CDC14B: variants seen among roughly 807,000 people sequenced by gnomAD.
The protein encoded by CDC14B is dual specificity protein phosphatase CDC14B.
In CDC14B, 22 loss-of-function variants were observed where a neutral mutation model predicts 64.2. The ratio of observed to expected loss-of-function variants is 0.34; its 90% CI spans 0.24 to 0.49. CDC14B has a LOEUF of 0.49. Among genes scored for constraint, CDC14B ranks in the 20% least tolerant of loss-of-function variants. CDC14B has a pLI of 0.99. For missense variants in CDC14B, 498 were observed against 629.9 expected (o/e 0.79, Z 2.24); for synonymous variants, 191 against 215.8 (o/e 0.89, Z 1.01).
At chr9:96,573,593 G>A (rs1205206837) in intron 1 of CDC14B, among the ~76,000 whole-genome samples, 2 of 152,026 alleles carry the variant, frequency 1.3e-5, no homozygotes, top group East Asian at 3.9e-4. Flanking sequence ...AATCTCAACA[G>A]GTCTTTTCAT....
At chr9:96,497,464 C>T (rs2181072), downstream of CDC14B, among the ~76,000 whole-genome samples, 1 of 152,344 alleles carries the variant, frequency 6.6e-6, no homozygotes, top group East Asian at 1.9e-4. Context: ...GCGCCAACCG[C>T]TTGGAAGACA....
chr9:96,505,486 C>T (rs1010849161), intron 13 of CDC14B, among the ~76,000 whole-genome samples: 7 of 152,170 alleles, frequency 4.6e-5, no homozygotes, highest in African/African-American at 1.4e-4. Flanking sequence ...TGAGTGAATG[C>T]GAGCAAATGA....
chr9:96,593,136 AC>A (rs975051289), intron 1 of CDC14B, among the ~76,000 whole-genome samples: 2 of 152,198 alleles, frequency 1.3e-5, no homozygotes, highest in Admixed American at 1.3e-4. Context: ...AATGTGCAAG[AC>A]AGGTATGAAA....
At chr9:96,519,849 T>G (rs1836404730) in intron 12 of CDC14B, among the ~76,000 whole-genome samples, 2 of 152,186 alleles carry the variant, frequency 1.3e-5, no homozygotes, top group South Asian at 4.1e-4. Context: ...CCTTCTTGCA[T>G]GTACTGTATT....
chr9:96,553,190 G>A (rs987878538), intron 4 of CDC14B, among the ~76,000 whole-genome samples: 16 of 152,194 alleles, frequency 1.1e-4, no homozygotes, highest in Non-Finnish European at 1.8e-4. Flanking sequence ...ATTTTTCAAA[G>A]TTCAAAGATC....
intron 13 of CDC14B, among the ~76,000 whole-genome samples, chr9:96,508,102 G>A (rs529323901): frequency 2.6e-5 from 4 of 151,042 alleles, no homozygotes; most frequent in Admixed American, 6.6e-5. Context: ...TGAAACCTCC[G>A]CCTCCCATGT....
intron 4 of CDC14B, 85 bp downstream of exon 4, chr9:96,562,608 T>C (rs976817812): frequency 2.0e-5 from 18 of 898,956 alleles, no homozygotes; most frequent in Admixed American, 9.6e-5. Context: ...CAAGACATTA[T>C]CTTGATTTCA....
chr9:96,524,443 C>T (rs770346777), intron 9 of CDC14B, among the ~76,000 whole-genome samples: 3 of 152,218 alleles, frequency 2.0e-5, no homozygotes, highest in Admixed American at 6.5e-5. Context: ...TGTAATTTTG[C>T]ACTTACTCCC....
rs773494567 is a variant in CDC14B at position 96,534,107 on chromosome 9, T to C, written c.766A>G (p.Asn256Asp). 2 of 1,611,544 alleles carry C rather than the reference T, an allele frequency of 1.2e-6. No homozygotes were observed. The highest frequency in any genetic ancestry group is 1.7e-5 in the Admixed American group (1 of 59,780). The change falls in exon 9 of 14, where the codon AAT becomes GAT. Residue 256 changes from asparagine to aspartate, a missense_variant. Coordinates refer to ENST00000375241, the MANE Select transcript of CDC14B (RefSeq NM_033331.4). ...ETYIQYFKNH[N>D]VTTIIRLNKR... ...TTCAGACGAATAATGGTAGTAACATTGTGATTCTTAAAATATTGAATATAA... is the reference window on the plus strand; with the variant it reads ...TTCAGACGAATAATGGTAGTAACATCGTGATTCTTAAAATATTGAATATAA...
chr9:96,521,757 G>C (rs1200413511), intron 12 of CDC14B, among the ~76,000 whole-genome samples: 1 of 152,206 alleles, frequency 6.6e-6, no homozygotes, highest in African/African-American at 2.4e-5. Flanking sequence ...CCGCAAAAAA[G>C]AAGGCTGGAA....
intron 1 of CDC14B, among the ~76,000 whole-genome samples, chr9:96,598,864 T>C (rs535518747): frequency 2.3e-4 from 35 of 152,316 alleles, no homozygotes; most frequent in Admixed American, 7.2e-4. Context: ...TGAGTATCAA[T>C]AAGGGCTTGC....
chr9:96,581,481 A>ATTAAATTAATTAAT (rs1564369877), intron 1 of CDC14B, among the ~76,000 whole-genome samples: 2 of 150,894 alleles, frequency 1.3e-5, no homozygotes, highest in African/African-American at 4.9e-5. Context: ...AATTAAATTA[A>ATTAAATTAATTAAT]TTAATTAAAT....
intron 1 of CDC14B, among the ~76,000 whole-genome samples, chr9:96,582,679 T>C (rs773785917): frequency 7.9e-5 from 12 of 152,342 alleles, no homozygotes; most frequent in Non-Finnish European, 1.5e-4. Flanking sequence ...ATTAAATGTA[T>C]GTTCAAGTGC....
chr9:96,598,975 T>C (rs1248157098), intron 1 of CDC14B, among the ~76,000 whole-genome samples: 1 of 152,258 alleles, frequency 6.6e-6, no homozygotes, highest in Non-Finnish European at 1.5e-5. Flanking sequence ...AGATGTATCA[T>C]ATTCCATTAA....
chr9:96,503,775 C>T lies in CDC14B; in HGVS notation c.1475G>A (p.Arg492Lys), dbSNP rs1259400570. The T allele has an allele frequency of 6.2e-7, 1 of 1,613,806 alleles. No individual in the cohort carries two copies. Among genetic ancestry groups the T allele is most frequent in the Middle Eastern group, 1.7e-4 (1 of 6,060 alleles). The part of the protein sequence containing the change: ...KSSVKSLSIS[R>K]TKTVLR ...TACTTAACGCAAGACTGTTTTAGTC[C>T]TTGAAATGGAGAGACTACAGGGGGA... The change falls in exon 14 of 14, where the codon AGG (arginine) becomes AAG (lysine). Residue 492 changes from arginine to lysine, a missense_variant. Physicochemically the swap from Arg to Lys is conservative, Grantham distance 26 (BLOSUM62 2). Transcript: ENST00000375241.
chr9:96,532,434 A>C (rs575547262), intron 9 of CDC14B, among the ~76,000 whole-genome samples: 1 of 152,278 alleles, frequency 6.6e-6, no homozygotes, highest in South Asian at 2.1e-4. Context: ...TTATAGCTTG[A>C]TTATAATGCA....
intron 4 of CDC14B, among the ~76,000 whole-genome samples, chr9:96,553,016 T>A (rs1842027627): frequency 6.6e-6 from 1 of 152,240 alleles, no homozygotes; most frequent in Non-Finnish European, 1.5e-5. Context: ...CAACCAAATG[T>A]GAAGCATTCT....
At chr9:96,557,702 T>C (rs1842667902) in intron 4 of CDC14B, among the ~76,000 whole-genome samples, 1 of 152,222 alleles carries the variant, frequency 6.6e-6, no homozygotes, top group Non-Finnish European at 1.5e-5. Flanking sequence ...ACATAAATGC[T>C]TACAAGGTAA....
At chr9:96,605,185 A>C (rs1846802478) in intron 1 of CDC14B, among the ~76,000 whole-genome samples, 1 of 152,154 alleles carries the variant, frequency 6.6e-6, no homozygotes, top group Admixed American at 6.5e-5. Context: ...CAGAGGAAAA[A>C]AAAAATAACA....
Sources: gnomAD v4.1 joint callset for allele counts (sites outside exome capture counted in the v4.1 genomes callset) on GRCh38, gnomAD v4.1.1 for gene constraint, MANE v1.5 for transcripts, NCBI Gene and HGNC (gene_info 2026-07-23, HGNC 2026-07-21) for gene names.